Variants in IL4R observed in about 807,000 individuals in gnomAD.
IL4R encodes the protein interleukin-4 receptor subunit alpha.
Under a neutral mutation model 41.5 loss-of-function variants are expected in IL4R, and 17 were observed. The observed-to-expected ratio is 0.41, with a 90% CI of 0.28 to 0.61. The LOEUF (loss-of-function observed/expected upper bound fraction) is 0.61, where lower values mean the gene tolerates loss of function less well. IL4R is among the 20% of genes least tolerant of loss of function. IL4R has a pLI of 0.31. For missense variants in IL4R, 974 were observed against 1,043.1 expected (o/e 0.93, Z 0.91); for synonymous variants, 402 against 422.9 (o/e 0.95, Z 0.61).
chr16:27,354,428 T>A (rs912706435), intron 7 of IL4R, among the ~76,000 whole-genome samples: 17 of 152,214 alleles, frequency 1.1e-4, no homozygotes, highest in African/African-American at 3.9e-4. Context: ...ATCTCTTTTT[T>A]AATCAGGAAG....
At chr16:27,320,965 A>T (rs1371725438) in intron 1 of IL4R, among the ~76,000 whole-genome samples, 7 of 145,918 alleles carry the variant, frequency 4.8e-5, no homozygotes, top group African/African-American at 1.8e-4. Flanking sequence ...TTTTTTTGAG[A>T]TGGAGTCTCA....
intron 3 of IL4R, among the ~76,000 whole-genome samples, chr16:27,340,679 G>A (rs919360307): frequency 6.6e-6 from 1 of 152,018 alleles, no homozygotes; most frequent in African/African-American, 2.4e-5. Context: ...CTGTGATCGC[G>A]CCACTCCACT....
intron 6 of IL4R, 55 bp downstream of exon 6, chr16:27,346,673 A>C: frequency 6.3e-7 from 1 of 1,588,424 alleles, no homozygotes; most frequent in Non-Finnish European, 8.6e-7. Flanking sequence ...AGGGTGGGTG[A>C]CCAGCAGAGG....
chr16:27,337,602 C>T (rs1283011125), intron 2 of IL4R, among the ~76,000 whole-genome samples: 1 of 147,870 alleles, frequency 6.8e-6, no homozygotes, highest in Non-Finnish European at 1.5e-5. Context: ...CTTTTTGCAA[C>T]AGGGTCTCAC....
At chr16:27,328,272 TTTGCTCTA>T (rs2085019559) in intron 1 of IL4R, among the ~76,000 whole-genome samples, 1 of 150,780 alleles carries the variant, frequency 6.6e-6, no homozygotes, top group Admixed American at 6.6e-5. Flanking sequence ...GAGACAGAAC[TTTGCTCTA>T]TTGCCCGGGC....
Position 27,346,557 on chromosome 16 carries a change from A to G in IL4R, c.452A>G (p.Asn151Ser), listed in dbSNP as rs200726391. ...LTWSNPYPPDNYLYNHLTYAV... is the reference protein window; with the variant it reads ...LTWSNPYPPDSYLYNHLTYAV... ...TGGAGCAACCCGTATCCCCCTGACA[A>G]TTACCTGTATAATCATCTCACCTAT... Residue 151 changes from asparagine to serine, a missense_variant, in exon 6 of 11, where the codon AAT becomes AGT. By Grantham distance (46) the Asn-to-Ser change is conservative (BLOSUM62 1). This residue lies in a region of IL4R where 284 missense variants were observed against 313.4 expected (regional missense o/e 0.91). Transcript: ENST00000395762. 92 of 1,614,072 alleles carry G rather than the reference A, an allele frequency of 5.7e-5. No homozygotes were observed. Among genetic ancestry groups the G allele is most frequent in the Non-Finnish European group, 7.6e-5 (90 of 1,179,972 alleles).
In IL4R at chr16:27,360,819, T is replaced by C. The variant is rs199515810; in HGVS notation, c.899+4T>C. On this transcript the variant is annotated splice_donor_region_variant and intron_variant, in intron 10 of 10. Coordinates refer to ENST00000395762, the MANE Select transcript of IL4R (RefSeq NM_000418.4). Reference sequence around the variant, plus strand: ...GCCAGGAACCAGCCAAGTGCCCGTATGTATCTGAACTTAGGTCACAGCCTG... The same window carrying C: ...GCCAGGAACCAGCCAAGTGCCCGTACGTATCTGAACTTAGGTCACAGCCTG... The C allele has an allele frequency of 2.3e-5, 37 of 1,614,166 alleles. No individual in the cohort carries two copies. The highest frequency in any genetic ancestry group is 3.3e-4 in the Middle Eastern group (2 of 6,058).
intron 10 of IL4R, 178 bp downstream of exon 10, chr16:27,360,993 A>G: frequency 6.8e-7 from 1 of 1,478,124 alleles, no homozygotes; most frequent in Non-Finnish European, 9.0e-7. Flanking sequence ...CTGCTGGCCA[A>G]GCCCCCTGAG....
At position 27,364,687 on chromosome 16, in the gene IL4R, T is replaced by C. The variant is rs2141235254; in HGVS notation, c.*857T>C. On this transcript the variant is annotated 3_prime_UTR_variant, in exon 11 of 11. Transcript: ENST00000395762. ...GGGTTGAGTAATGCTCGTCTGTGTG[T>C]TTTAGTTTCATCACCTGTTATCTGT... 1 of 152,354 alleles carries C rather than the reference T, an allele frequency of 6.6e-6. No individual in the cohort carries two copies. The highest frequency in any genetic ancestry group is 1.9e-4 in the East Asian group (1 of 5,196). 9.4% of individuals were successfully genotyped at this position (152,354 alleles called of 1,614,324 possible).
intron 2 of IL4R, among the ~76,000 whole-genome samples, chr16:27,336,601 C>G (rs2085265906): frequency 6.6e-6 from 1 of 150,452 alleles, no homozygotes; most frequent in Non-Finnish European, 1.5e-5. Flanking sequence ...TTGCTTGAGC[C>G]CGGGAGGTGG....
chr16:27,332,695 A>AT (rs1032544674), intron 2 of IL4R, among the ~76,000 whole-genome samples: 3 of 150,910 alleles, frequency 2.0e-5, no homozygotes, highest in African/African-American at 4.9e-5. Context: ...CCAATTTTGT[A>AT]TTTTTTTCTT....
rs1223355900 is a variant in IL4R, at chr16:27,359,071, G to A, written c.849+77G>A. 2.5e-5 allele frequency: 28 copies of A among 1,109,090 alleles called. No individual in the cohort carries two copies. The Admixed American group carries it at 5.3e-4, about 21-fold the overall frequency. The allele number at this position is 1,109,090 out of a possible 1,614,324, so 68.7% of individuals were successfully genotyped here. ...TGGTTCAGAACACCTGGGCTGTTAAGGACCTTCACTGGCTTCTGGAATGGC... is the reference window on the plus strand; with the variant it reads ...TGGTTCAGAACACCTGGGCTGTTAAAGACCTTCACTGGCTTCTGGAATGGC... On this transcript the variant is annotated intron_variant, in intron 9 of 10. Transcript: ENST00000395762.
chr16:27,324,868 G>A (rs1332746733), intron 1 of IL4R, among the ~76,000 whole-genome samples: 4 of 152,040 alleles, frequency 2.6e-5, no homozygotes, highest in African/African-American at 4.8e-5. Flanking sequence ...AGGGTCCCTG[G>A]GATCCTCCCC....
In IL4R at chr16:27,362,530, A is replaced by T; in HGVS notation, c.1178A>T (p.Asp393Val). 1 of 1,614,178 alleles carries T rather than the reference A, an allele frequency of 6.2e-7. No homozygotes were observed. ...SFCASPESSR[D>V]DFQEGREGIV... ...TGTGCATCGCCTGAGAGCAGCAGGG[A>T]TGACTTCCAGGAGGGAAGGGAGGGC... Residue 393 changes from aspartate (D) to valine (V), a missense_variant, in exon 11 of 11, where the codon GAT becomes GTT. Transcript: ENST00000395762.
chr16:27,352,771 C>A, intron 7 of IL4R, 75 bp downstream of exon 7: 2 of 1,459,696 alleles, frequency 1.4e-6, no homozygotes, highest in South Asian at 1.2e-5. Flanking sequence ...CTTCCCCTGG[C>A]TGAGTCTCTG....
At chr16:27,340,018 C>T (rs1173841710) in intron 2 of IL4R, among the ~76,000 whole-genome samples, 168 bp from the exon 3 acceptor site, 1 of 152,126 alleles carries the variant, frequency 6.6e-6, no homozygotes. Flanking sequence ...GATTGCACCA[C>T]TGCACTCCAG....
At chr16:27,351,396 G>T (rs1392043775) in intron 6 of IL4R, among the ~76,000 whole-genome samples, 1 of 152,082 alleles carries the variant, frequency 6.6e-6, no homozygotes. Context: ...ACAAGTAGCA[G>T]GTCCTGCCCA....
chr16:27,347,197 G>T (rs2085679352), intron 6 of IL4R, among the ~76,000 whole-genome samples: 1 of 152,014 alleles, frequency 6.6e-6, no homozygotes, highest in Non-Finnish European at 1.5e-5. Flanking sequence ...AGTTTTTGTT[G>T]TTGTTTGTTT....
chr16:27,340,169 T>C lies in IL4R; in HGVS notation c.-18-17T>C. ...GAAGCACAGGTCAGCACTAACCTGC[T>C]TCCTCTCTCTCTGCAGGTGCCTTGG... On this transcript the variant is annotated splice_polypyrimidine_tract_variant and intron_variant, in intron 2 of 10. Transcript: ENST00000395762. The C allele has an allele frequency of 5.0e-6, 8 of 1,589,156 alleles. No individual in the cohort carries two copies. Among genetic ancestry groups the C allele is most frequent in the Non-Finnish European group, 6.9e-6 (8 of 1,159,884 alleles).
Sources: gnomAD v4.1 joint callset for allele counts (sites outside exome capture counted in the v4.1 genomes callset) on GRCh38, gnomAD v4.1.1 for gene constraint, gnomAD v4.1.1 regional missense constraint, MANE v1.5 for transcripts, NCBI Gene and HGNC (gene_info 2026-07-23, HGNC 2026-07-21) for gene names.